CDH18: variants seen among roughly 807,000 people sequenced by gnomAD.
CDH18 encodes the protein cadherin-18.
Under a neutral mutation model 67.9 loss-of-function variants are expected in CDH18, and 31 were observed. The observed-to-expected ratio is 0.46, with a 90% CI of 0.34 to 0.62. CDH18 has a LOEUF of 0.62. CDH18 is among the 20% of genes least tolerant of loss of function. The pLI is 0.01. For missense variants in CDH18, 890 were observed against 975.5 expected (o/e 0.91, Z 1.17); for synonymous variants, 362 against 347.2 (o/e 1.04, Z -0.48).
rs75955106 is a variant in CDH18 at position 20,248,771 on chromosome 5, T to A, written c.-518+6673A>T. ...AAGCGAACGTTGAACTTAATATGAT[T>A]ATTTTTGTTTCAGTTGATATTTTAA... On this transcript the variant is annotated intron_variant, in intron 2 of 14. Transcript: ENST00000507958. 5.8e-3 allele frequency among the ~76,000 whole-genome samples: 888 copies of A among 152,344 alleles called. 11 individuals are homozygous for A. Among genetic ancestry groups the A allele is most frequent in the African/African-American group, 0.02 (848 of 41,582 alleles).
chr5:20,545,761 C>T (rs1179896910), intron 1 of CDH18, among the ~76,000 whole-genome samples: 1 of 152,184 alleles, frequency 6.6e-6, no homozygotes, highest in Non-Finnish European at 1.5e-5. Flanking sequence ...TGGAGACATT[C>T]CCCATTGTCT....
rs528231077 is a variant in CDH18 at position 20,290,559 on chromosome 5, T to C, written c.-579-35054A>G. Among the ~76,000 whole-genome samples the C allele has an allele frequency of 7.8e-4, 118 of 152,230 alleles. 1 individual carries two copies. The highest frequency in any genetic ancestry group is 2.8e-3 in the African/African-American group (115 of 41,556). On this transcript the variant is annotated intron_variant, in intron 1 of 14. Coordinates refer to the CDH18 transcript ENST00000507958. ...ACTATAGAAATACAGGTTCCCAAATTAAAATACTTCAAACCTACAGAGACT... is the reference window on the plus strand; with the variant it reads ...ACTATAGAAATACAGGTTCCCAAATCAAAATACTTCAAACCTACAGAGACT...
At chr5:20,065,827 A>T (rs551065224) in intron 2 of CDH18, among the ~76,000 whole-genome samples, 1 of 152,128 alleles carries the variant, frequency 6.6e-6, no homozygotes, top group South Asian at 2.1e-4. Context: ...AAATCCAACC[A>T]TCATAGGTTG....
In CDH18 at chr5:20,165,303, T is replaced by C. The variant is rs115422968; in HGVS notation, c.-518+90141A>G. On this transcript the variant is annotated intron_variant, in intron 2 of 14. Coordinates refer to the CDH18 transcript ENST00000507958. Reference sequence around the variant, plus strand: ...GTTGATTGTTAATTACAGGCACTTATCTAAAACATGTATATTGTACCTGAG... The same window carrying C: ...GTTGATTGTTAATTACAGGCACTTACCTAAAACATGTATATTGTACCTGAG... 3.5e-3 allele frequency among the ~76,000 whole-genome samples: 538 copies of C among 152,192 alleles called. 2 individuals are homozygous for C. Among genetic ancestry groups the C allele is most frequent in the Non-Finnish European group, 4.0e-3 (269 of 68,006 alleles).
intron 5 of CDH18, among the ~76,000 whole-genome samples, chr5:19,642,771 T>G (rs759365277): frequency 7.2e-5 from 11 of 151,942 alleles, no homozygotes; most frequent in African/African-American, 9.7e-5. Flanking sequence ...AGGCAATAAT[T>G]TTTTTGGATA....
At chr5:20,532,602 A>C (rs1307886459) in intron 1 of CDH18, among the ~76,000 whole-genome samples, 6 of 152,080 alleles carry the variant, frequency 3.9e-5, no homozygotes, top group African/African-American at 1.4e-4. Context: ...GATGATATGC[A>C]CAGAGTTTTT....
chr5:19,860,967 A>G (rs1784830672), intron 2 of CDH18, among the ~76,000 whole-genome samples: 1 of 152,166 alleles, frequency 6.6e-6, no homozygotes, highest in African/African-American at 2.4e-5. Flanking sequence ...AGTTCATTCC[A>G]TCTGAATGTA....
chr5:20,303,171 G>C (rs1419763877), intron 1 of CDH18, among the ~76,000 whole-genome samples: 4 of 152,144 alleles, frequency 2.6e-5, no homozygotes, highest in Non-Finnish European at 5.9e-5. Context: ...TTTCATATGC[G>C]TGGGGTTGAT....
intron 1 of CDH18, among the ~76,000 whole-genome samples, chr5:20,348,956 A>G (rs1008575109): frequency 6.6e-6 from 1 of 152,184 alleles, no homozygotes; most frequent in Non-Finnish European, 1.5e-5. Context: ...AAGTATAATT[A>G]TTTTTAAAAG....
At chr5:20,347,629 G>A (rs989211526) in intron 1 of CDH18, among the ~76,000 whole-genome samples, 3 of 152,210 alleles carry the variant, frequency 2.0e-5, no homozygotes, top group Non-Finnish European at 4.4e-5. Context: ...TTAGGGGCAG[G>A]CACAATTCAT....
intron 1 of CDH18, among the ~76,000 whole-genome samples, chr5:19,981,414 T>G (rs1015879918): frequency 8.5e-6 from 1 of 118,176 alleles, no homozygotes; most frequent in Non-Finnish European, 2.2e-5. Context: ...AAAGAATAAT[T>G]TATAAAGAGC....
chr5:19,594,215 C>T (rs1745799228), intron 6 of CDH18, among the ~76,000 whole-genome samples: 1 of 151,966 alleles, frequency 6.6e-6, no homozygotes, highest in South Asian at 2.1e-4. Flanking sequence ...TGGAATGGTG[C>T]ATCTTGGCTC....
intron 5 of CDH18, among the ~76,000 whole-genome samples, chr5:19,668,543 A>G (rs536552623): frequency 3.3e-5 from 5 of 152,242 alleles, no homozygotes; most frequent in Non-Finnish European, 5.9e-5. Flanking sequence ...GCAGAGACTT[A>G]TCAAGTCAGT....
At chr5:20,568,442 C>T (rs1385945552) in intron 1 of CDH18, among the ~76,000 whole-genome samples, 1 of 151,992 alleles carries the variant, frequency 6.6e-6, no homozygotes, top group East Asian at 1.9e-4. Context: ...TACTTGAGTT[C>T]AAGTCAAGGA....
intron 2 of CDH18, among the ~76,000 whole-genome samples, chr5:20,180,724 G>A (rs1682416774): frequency 1.3e-5 from 2 of 152,022 alleles, no homozygotes; most frequent in Admixed American, 1.3e-4. Context: ...GCACCATGGG[G>A]CCAGAAGGCA....
intron 7 of CDH18, among the ~76,000 whole-genome samples, chr5:19,590,265 T>C (rs1042723698): frequency 3.9e-5 from 6 of 152,130 alleles, no homozygotes; most frequent in African/African-American, 1.4e-4. Context: ...GAAAATACTT[T>C]AGGTGAAGAC....
At chr5:20,182,178 A>G (rs989810504) in intron 2 of CDH18, among the ~76,000 whole-genome samples, 2 of 152,060 alleles carry the variant, frequency 1.3e-5, no homozygotes, top group Non-Finnish European at 2.9e-5. Context: ...AACATTATTG[A>G]TTTTTATACA....
intron 5 of CDH18, among the ~76,000 whole-genome samples, chr5:19,686,539 TGC>T (rs1450772132): frequency 2.6e-5 from 4 of 152,138 alleles, no homozygotes; most frequent in Admixed American, 6.6e-5. Context: ...CCTATTTATG[TGC>T]GCGCACCTAC....
chr5:19,855,345 G>T (rs1050471597), intron 2 of CDH18, among the ~76,000 whole-genome samples: 1 of 152,168 alleles, frequency 6.6e-6, no homozygotes, highest in African/African-American at 2.4e-5. Context: ...AGATAAAATA[G>T]CCATTTATAT....
Sources: gnomAD v4.1 joint callset for allele counts (sites outside exome capture counted in the v4.1 genomes callset) on GRCh38, gnomAD v4.1.1 for gene constraint, MANE v1.5 for transcripts, NCBI Gene and HGNC (gene_info 2026-07-23, HGNC 2026-07-21) for gene names.